Variants in ADGRL2 observed in about 807,000 individuals in gnomAD.
ADGRL2 encodes calcium-independent alpha-latrotoxin receptor 2.
Under a neutral mutation model 157.4 loss-of-function variants are expected in ADGRL2, and 44 were observed. The observed-to-expected ratio is 0.28, with a 90% CI of 0.22 to 0.36. The LOEUF is 0.36. Among genes scored for constraint, ADGRL2 ranks in the 10% least tolerant of loss-of-function variants. ADGRL2 has a pLI of 1.00. For missense variants in ADGRL2, 1,510 were observed against 1,768.9 expected (o/e 0.85, Z 2.63); for synonymous variants, 585 against 624.7 (o/e 0.94, Z 0.95).
At chr1:81,331,062 A>G (rs1379725868) in intron 1 of ADGRL2, among the ~76,000 whole-genome samples, 2 of 152,164 alleles carry the variant, frequency 1.3e-5, no homozygotes, top group Non-Finnish European at 2.9e-5. Flanking sequence ...GGTAAATTGA[A>G]TGCTCTCAAT....
chr1:81,756,496 CAA>C (rs2085694650), intron 1 of ADGRL2, among the ~76,000 whole-genome samples: 1 of 152,070 alleles, frequency 6.6e-6, no homozygotes, highest in African/African-American at 2.4e-5. Context: ...GTTTCATAGA[CAA>C]GAGGTATAAG....
intron 1 of ADGRL2, among the ~76,000 whole-genome samples, chr1:81,322,506 A>T (rs775009950): frequency 7.9e-5 from 12 of 152,144 alleles, no homozygotes; most frequent in Non-Finnish European, 1.3e-4. Flanking sequence ...TATGGTCTTC[A>T]ATTAATCATA....
At chr1:81,800,134 A>G (rs1194697152), upstream of ADGRL2, among the ~76,000 whole-genome samples, 3 of 152,142 alleles carry the variant, frequency 2.0e-5, no homozygotes, top group African/African-American at 7.2e-5. Flanking sequence ...CTCTGTGACT[A>G]TACTTGAGAG....
At chr1:81,819,994 G>T (rs1026212307) in intron 1 of ADGRL2, among the ~76,000 whole-genome samples, 1 of 152,032 alleles carries the variant, frequency 6.6e-6, no homozygotes, top group Admixed American at 6.6e-5. Flanking sequence ...TTATTGGTAC[G>T]TGGGGAAATT....
At chr1:81,620,577 A>T (rs2081768460) in intron 3 of ADGRL2, among the ~76,000 whole-genome samples, 1 of 152,234 alleles carries the variant, frequency 6.6e-6, no homozygotes. Flanking sequence ...TCCAGGTACC[A>T]CAATGAAAAC....
chr1:81,818,252 A>G (rs1179758431), intron 1 of ADGRL2, among the ~76,000 whole-genome samples: 5 of 152,126 alleles, frequency 3.3e-5, no homozygotes, highest in African/African-American at 1.2e-4. Context: ...TGTGGGTACA[A>G]TCTCTTGAAG....
chr1:81,980,686 A>G (rs1303715427), intron 18 of ADGRL2: 2 of 493,382 alleles, frequency 4.1e-6, no homozygotes, highest in African/African-American at 2.0e-5. Context: ...GATGTTTTAG[A>G]TAGGTTAGTG....
At chr1:81,806,533 G>A (rs1186712738) in intron 1 of ADGRL2, among the ~76,000 whole-genome samples, 3 of 151,964 alleles carry the variant, frequency 2.0e-5, no homozygotes, top group African/African-American at 4.8e-5. Context: ...ATAAGAATAT[G>A]TGAATTGAGA....
intron 3 of ADGRL2, among the ~76,000 whole-genome samples, chr1:81,630,156 A>G (rs1005621890): frequency 6.6e-6 from 1 of 152,106 alleles, no homozygotes; most frequent in African/African-American, 2.4e-5. Flanking sequence ...TTAGTGACAT[A>G]TTGAGAGAGT....
Position 81,559,462 on chromosome 1 carries a change from T to TG in ADGRL2, c.-247-21414_-247-21413insG, listed in dbSNP as rs1376117382. Among the ~76,000 whole-genome samples the TG allele has an allele frequency of 2.0e-5, 3 of 151,710 alleles. No individual in the cohort carries two copies. In the South Asian group the frequency reaches 6.3e-4, roughly 32 times the overall value. ...GCTATGCTCCATGTTTTTTTTTTTT[T>TG]AATGTTCCTACCACACGGTTTTGCA... On this transcript the variant is annotated intron_variant, in intron 2 of 24. Transcript: ENST00000370721.
At position 81,599,983 on chromosome 1, in the gene ADGRL2, TAAG is replaced by T. The variant is rs58514052; in HGVS notation, c.-143+19007_-143+19009del. On this transcript the variant is annotated intron_variant, in intron 3 of 24. Coordinates refer to the ADGRL2 transcript ENST00000370721. ...TATTGATGTCTATTATTTTCGTTCC[TAAG>T]AAGTATGTGTATCAAATTGCCTTTA... 7.9e-3 allele frequency among the ~76,000 whole-genome samples: 1,209 copies of T among 152,356 alleles called. 19 individuals carry two copies. Among genetic ancestry groups the T allele is most frequent in the African/African-American group, 0.027 (1,142 of 41,572 alleles).
At chr1:81,870,600 A>G (rs572225828) in intron 2 of ADGRL2, among the ~76,000 whole-genome samples, 61 of 152,140 alleles carry the variant, frequency 4.0e-4, no homozygotes, top group Non-Finnish European at 7.1e-4. Context: ...ATACAGGAAT[A>G]TACACTACAT....
chr1:81,802,332 C>T (rs2088337911), intron 1 of ADGRL2, among the ~76,000 whole-genome samples: 1 of 151,996 alleles, frequency 6.6e-6, no homozygotes, highest in Non-Finnish European at 1.5e-5. Flanking sequence ...CGCAGGGAGC[C>T]GCGGGTTAAT....
At position 81,738,347 on chromosome 1, in the gene ADGRL2, GCT is replaced by G. The variant is rs1179576492; in HGVS notation, c.-142-23460_-142-23459del. ...GTTACACTCAGCAACTATTGAAGAA[GCT>G]CTCCAGTCTCATTCTGATTGCTCCA... On this transcript the variant is annotated intron_variant, in intron 1 of 20. Transcript: ENST00000359929. Among the ~76,000 whole-genome samples, 19 of 152,238 alleles carry G rather than the reference GCT, an allele frequency of 1.2e-4. No individual in the cohort carries two copies. The East Asian group carries it at 3.7e-3, about 29-fold the overall frequency.
chr1:81,418,784 A>C (rs77773399), intron 1 of ADGRL2, among the ~76,000 whole-genome samples: 14 of 152,278 alleles, frequency 9.2e-5, no homozygotes, highest in Non-Finnish European at 1.2e-4. Context: ...AAGATTCCAA[A>C]TCAAACTTTC....
chr1:81,502,666 C>G, intron 2 of ADGRL2: 1 of 1,613,690 alleles, frequency 6.2e-7, no homozygotes, highest in Non-Finnish European at 8.5e-7. Context: ...GCTCAGGACG[C>G]AGTACATGAA....
At chr1:81,660,926 G>A (rs1055785810) in intron 3 of ADGRL2, among the ~76,000 whole-genome samples, 1 of 152,204 alleles carries the variant, frequency 6.6e-6, no homozygotes, top group African/African-American at 2.4e-5. Flanking sequence ...TGTTAGAGGA[G>A]AGTTCAGGGT....
At chr1:81,660,093 G>A (rs2082621607) in intron 3 of ADGRL2, among the ~76,000 whole-genome samples, 1 of 152,112 alleles carries the variant, frequency 6.6e-6, no homozygotes, top group Non-Finnish European at 1.5e-5. Context: ...AGAGGTTTCA[G>A]TAATGAACTG....
chr1:81,408,758 G>A (rs2076898826), intron 1 of ADGRL2, among the ~76,000 whole-genome samples: 1 of 152,146 alleles, frequency 6.6e-6, no homozygotes, highest in Admixed American at 6.5e-5. Flanking sequence ...AACTAAATAT[G>A]AGATCATTTT....
Sources: gnomAD v4.1 joint callset for allele counts (sites outside exome capture counted in the v4.1 genomes callset) on GRCh38, gnomAD v4.1.1 for gene constraint, MANE v1.5 for transcripts, NCBI Gene and HGNC (gene_info 2026-07-23, HGNC 2026-07-21) for gene names.